The following TMEM43 variants were observed in gnomAD, a reference collection of about 807,000 sequenced individuals.
TMEM43 encodes the protein arrhythmogenic right ventricular dysplasia 5.
In TMEM43, 45 loss-of-function variants were observed where a neutral mutation model predicts 49.6. The observed-to-expected ratio is 0.91, with a 90% CI of 0.71 to 1.16. The LOEUF (loss-of-function observed/expected upper bound fraction) is 1.16, where lower values mean the gene tolerates loss of function less well. Among genes scored for constraint, TMEM43 ranks in the 50% most tolerant of loss-of-function variants. TMEM43 has a pLI of 0.00. For synonymous variants in TMEM43, 199 were observed against 207.8 expected, an observed-to-expected ratio of 0.96 and a Z score of 0.36; for missense variants, 532 against 516.6, an observed-to-expected ratio of 1.03 and a Z score of -0.29.
chr3:14,139,347 C>A, intron 11 of TMEM43, 50 bp downstream of exon 11: 1 of 1,294,890 alleles, frequency 7.7e-7, no homozygotes, highest in Non-Finnish European at 1.1e-6. Flanking sequence ...CTGAAAGGGC[C>A]TCCTCTGCCT....
chr3:14,130,746 C>T lies in TMEM43; in HGVS notation c.163-76C>T, dbSNP rs556141845. The T allele has an allele frequency of 3.5e-4, 553 of 1,572,094 alleles. 9 individuals are homozygous for T. The South Asian group carries it at 6.2e-3, about 18-fold the overall frequency. ...GCGCTCCCGGAGGCCCCATCCTACC[C>T]TAATACTTTGCAACAAGCACAGTCA... On this transcript the variant is annotated intron_variant, in intron 2 of 11. Transcript: ENST00000306077.
intron 9 of TMEM43, among the ~76,000 whole-genome samples, chr3:14,135,499 C>T (rs963847997): frequency 1.3e-5 from 2 of 152,190 alleles, no homozygotes; most frequent in African/African-American, 2.4e-5. Context: ...CACACACAGA[C>T]CCTCTCCCCA....
chr3:14,139,419 G>A (rs1695220401), intron 11 of TMEM43, 122 bp downstream of exon 11: 7 of 780,470 alleles, frequency 9.0e-6, no homozygotes, highest in Admixed American at 5.4e-5. Context: ...CCAGGCATTT[G>A]GCTCATCTCT....
rs1695064359 is a variant in TMEM43, at chr3:14,129,485, T to C, written c.86T>C (p.Leu29Pro). Residue 29 changes from leucine (L) to proline (P), a missense_variant, in exon 2 of 12, where the codon CTG becomes CCG. Transcript: ENST00000306077. ...TSSQPGFLER[L>P]SETSGGMFVG... ...TCCCAGCCAGGCTTCCTGGAACGGC[T>C]GAGCGAGACCTCGGGTGGGATGTTT... 6.2e-7 allele frequency: 1 copy of C among 1,614,162 alleles called. No homozygotes were observed. The highest frequency in any genetic ancestry group is 2.2e-5 in the East Asian group (1 of 44,880).
At chr3:14,139,387 TGG>T in intron 11 of TMEM43, 90 bp downstream of exon 11, 1 of 934,164 alleles carries the variant, frequency 1.1e-6, no homozygotes, top group Non-Finnish European at 1.8e-6. Context: ...TCCAGCCTGA[TGG>T]GATGGCCCTT....
At chr3:14,134,404 G>C (rs962851970) in intron 7 of TMEM43, among the ~76,000 whole-genome samples, 1 of 152,176 alleles carries the variant, frequency 6.6e-6, no homozygotes, top group Non-Finnish European at 1.5e-5. Context: ...CGCTTTCTGT[G>C]TGCTTTGTTG....
chr3:14,137,987 C>CT (rs1261912288), intron 10 of TMEM43: 1 of 152,140 alleles, frequency 6.6e-6, no homozygotes, highest in African/African-American at 2.4e-5. Flanking sequence ...TCCTACCTCA[C>CT]TGAGTGAATT....
chr3:14,134,498 C>T (rs1049419543), intron 7 of TMEM43, among the ~76,000 whole-genome samples: 2 of 152,136 alleles, frequency 1.3e-5, no homozygotes, highest in Non-Finnish European at 2.9e-5. Flanking sequence ...CGTGGATGGC[C>T]GTAACCTTGA....
chr3:14,129,056 C>T (rs560185655), intron 1 of TMEM43: 4 of 438,750 alleles, frequency 9.1e-6, no homozygotes, highest in South Asian at 4.9e-5. Flanking sequence ...CCATTTTTCT[C>T]AAGTTGTAGA....
chr3:14,129,184 T>C, intron 1 of TMEM43: 1 of 443,710 alleles, frequency 2.3e-6, no homozygotes, highest in South Asian at 2.1e-5. Context: ...AAAGAAACTT[T>C]TTGGGGTGAT....
rs772317634 is a variant in TMEM43, at chr3:14,133,786, T to C, written c.560T>C (p.Ile187Thr). The C allele has an allele frequency of 2.5e-6, 4 of 1,614,052 alleles. No individual in the cohort carries two copies. Among genetic ancestry groups the C allele is most frequent in the South Asian group, 2.2e-5 (2 of 91,096 alleles). ...SFMATAPFVQ[I>T]GRFFLSSGLI... Reference sequence around the variant, plus strand: ...ATGGCAACAGCCCCCTTTGTCCAAATTGGCAGGTTTTTCCTCTCGTCAGGT... The same window carrying C: ...ATGGCAACAGCCCCCTTTGTCCAAACTGGCAGGTTTTTCCTCTCGTCAGGT... Residue 187 changes from isoleucine to threonine, a missense_variant, in exon 7 of 12, where the codon ATT becomes ACT. Transcript: ENST00000306077.
Position 14,134,753 on chromosome 3 carries a change from C to T in TMEM43, c.584-17C>T. On this transcript the variant is annotated splice_polypyrimidine_tract_variant and intron_variant, in intron 7 of 11. Coordinates refer to ENST00000306077, the MANE Select transcript of TMEM43 (RefSeq NM_024334.3). ...TCACCTGGTCCCCTGGGTTTCTAAC[C>T]ACTCTGGTCCCCTCAGGCCTCATCG... is the stretch of plus-strand genomic sequence containing the variant. 2 of 1,614,068 alleles carry T rather than the reference C, an allele frequency of 1.2e-6. No individual in the cohort carries two copies. The highest frequency in any genetic ancestry group is 1.1e-5 in the South Asian group (1 of 91,074).
At chr3:14,134,040 C>T (rs1695135630) in intron 7 of TMEM43, among the ~76,000 whole-genome samples, 1 of 152,206 alleles carries the variant, frequency 6.6e-6, no homozygotes, top group South Asian at 2.1e-4. Context: ...CTGGGTTGTT[C>T]CAGAGAATGA....
intron 6 of TMEM43, among the ~76,000 whole-genome samples, chr3:14,133,247 C>T (rs1369107100): frequency 6.6e-6 from 1 of 152,210 alleles, no homozygotes; most frequent in Non-Finnish European, 1.5e-5. Flanking sequence ...ACAATCAGGA[C>T]AGGCTTTCCA....
intron 1 of TMEM43, 51 bp downstream of exon 1, chr3:14,125,256 G>A: frequency 6.3e-7 from 1 of 1,577,238 alleles, no homozygotes. Context: ...CCGTCGCCCT[G>A]GGGCTTTTCC....
intron 6 of TMEM43, 116 bp downstream of exon 6, chr3:14,133,051 G>A: frequency 2.2e-6 from 2 of 919,644 alleles, no homozygotes; most frequent in Non-Finnish European, 3.5e-6. Flanking sequence ...GGTTGAAAAT[G>A]TGGGACATGG....
At chr3:14,130,434 G>A (rs1417813204) in intron 2 of TMEM43, among the ~76,000 whole-genome samples, 2 of 152,000 alleles carry the variant, frequency 1.3e-5, no homozygotes, top group African/African-American at 2.4e-5. Flanking sequence ...TCAGAAGTTC[G>A]AAAGCAGCCT....
intron 1 of TMEM43, 74 bp from the exon 2 acceptor site, chr3:14,129,338 A>C: frequency 3.5e-6 from 2 of 578,500 alleles, no homozygotes; most frequent in Non-Finnish European, 5.7e-6. Context: ...AAAAAAATTG[A>C]GTATAAATAA....
chr3:14,131,191 T>A (rs538394864), intron 3 of TMEM43, among the ~76,000 whole-genome samples: 19 of 152,324 alleles, frequency 1.2e-4, no homozygotes, highest in African/African-American at 4.3e-4. Flanking sequence ...TTGGTGAGAT[T>A]AGGTAACTAA....
Sources: allele counts gnomAD v4.1 joint callset (sites outside exome capture counted in the v4.1 genomes callset), GRCh38; gene constraint gnomAD v4.1.1; transcripts MANE v1.5; gene names NCBI Gene and HGNC (gene_info 2026-07-23, HGNC 2026-07-21).